Variants in BABAM2 observed in about 807,000 individuals in gnomAD.
BABAM2 encodes the protein BRISC and BRCA1 A complex member 2, also known as BRISC and BRCA1-A complex member 2.
Under a neutral mutation model 54.7 loss-of-function variants are expected in BABAM2, and 31 were observed. That is an observed-to-expected ratio of 0.57 (90% confidence interval 0.43 to 0.77). The LOEUF (loss-of-function observed/expected upper bound fraction) is 0.77, where lower values mean the gene tolerates loss of function less well. Among genes scored for constraint, BABAM2 ranks in the 30% least tolerant of loss-of-function variants. The probability of loss-of-function intolerance (pLI) is 0.00; values close to 1 mark genes in which losing one functional copy is unlikely to be tolerated. For missense variants in BABAM2, 364 were observed against 455.8 expected, an observed-to-expected ratio of 0.80 and a Z score of 1.83; for synonymous variants, 167 against 162.9, an observed-to-expected ratio of 1.03 and a Z score of -0.19.
At chr2:28,205,792 C>T (rs1173800493) in intron 7 of BABAM2, among the ~76,000 whole-genome samples, 1 of 152,136 alleles carries the variant, frequency 6.6e-6, no homozygotes, top group Non-Finnish European at 1.5e-5. Context: ...ATCTCACTTA[C>T]AGCAATAATG....
At chr2:27,926,421 C>A (rs1303048377) in intron 2 of BABAM2, among the ~76,000 whole-genome samples, 2 of 152,190 alleles carry the variant, frequency 1.3e-5, no homozygotes, top group African/African-American at 4.8e-5. Context: ...CACCTTTGCA[C>A]CAGCTGTTTG....
chr2:28,086,060 T>C (rs1665612668), intron 6 of BABAM2, among the ~76,000 whole-genome samples: 1 of 152,186 alleles, frequency 6.6e-6, no homozygotes, highest in Admixed American at 6.5e-5. Context: ...TAACAGTACA[T>C]ATTTTATGAT....
At chr2:27,898,572 A>C (rs556389069) in intron 2 of BABAM2, among the ~76,000 whole-genome samples, 1 of 152,332 alleles carries the variant, frequency 6.6e-6, no homozygotes, top group African/African-American at 2.4e-5. Flanking sequence ...TGGATAAACA[A>C]ATTTGGCATA....
chr2:28,092,355 G>A (rs1666224792), intron 6 of BABAM2, among the ~76,000 whole-genome samples: 1 of 152,168 alleles, frequency 6.6e-6, no homozygotes, highest in African/African-American at 2.4e-5. Context: ...GACAAAGAGT[G>A]AATTTAGCAA....
intron 2 of BABAM2, among the ~76,000 whole-genome samples, chr2:27,918,932 C>A (rs1210436801): frequency 6.6e-6 from 1 of 152,108 alleles, no homozygotes; most frequent in Admixed American, 6.6e-5. Context: ...TCAAGTGATC[C>A]ACCTGACTTG....
At chr2:27,988,299 C>T (rs538858980) in intron 4 of BABAM2, among the ~76,000 whole-genome samples, 9 of 151,922 alleles carry the variant, frequency 5.9e-5, no homozygotes, top group Non-Finnish European at 1.0e-4. Context: ...CAGGGTATTT[C>T]GAATTAATGA....
chr2:28,223,776 C>T (rs1680622236), intron 7 of BABAM2, among the ~76,000 whole-genome samples: 1 of 152,222 alleles, frequency 6.6e-6, no homozygotes, highest in South Asian at 2.1e-4. Flanking sequence ...AACAGCATTT[C>T]TCAGGGGTGG....
At chr2:28,094,183 A>G (rs1666399588) in intron 6 of BABAM2, among the ~76,000 whole-genome samples, 1 of 152,200 alleles carries the variant, frequency 6.6e-6, no homozygotes, top group Admixed American at 6.5e-5. Flanking sequence ...AAATATCTAT[A>G]TGTAGAGAGA....
intron 4 of BABAM2, among the ~76,000 whole-genome samples, chr2:28,022,291 G>A (rs540673566): frequency 2.9e-4 from 44 of 152,310 alleles, no homozygotes; most frequent in Admixed American, 5.9e-4. Context: ...GTGCCAGTTC[G>A]TTGGTTCAAA....
chr2:28,173,915 C>A (rs955384321), intron 7 of BABAM2, among the ~76,000 whole-genome samples: 5 of 151,848 alleles, frequency 3.3e-5, no homozygotes, highest in African/African-American at 1.2e-4. Flanking sequence ...AAAATAAAGA[C>A]AAGATTGATA....
intron 7 of BABAM2, among the ~76,000 whole-genome samples, chr2:28,196,145 G>T (rs996227905): frequency 9.2e-5 from 14 of 151,784 alleles, no homozygotes; most frequent in Non-Finnish European, 1.8e-4. Context: ...GGCTAACGTG[G>T]TGAAACCCCG....
At chr2:28,025,599 TC>T in intron 5 of BABAM2, 179 bp downstream of exon 5, 2 of 565,776 alleles carry the variant, frequency 3.5e-6, no homozygotes. Context: ...ATTGTGTTTC[TC>T]AAAGATATTA....
At chr2:28,170,953 C>A (rs1360252881) in intron 7 of BABAM2, among the ~76,000 whole-genome samples, 1 of 152,266 alleles carries the variant, frequency 6.6e-6, no homozygotes, top group Middle Eastern at 3.4e-3. Flanking sequence ...GAGTACATTT[C>A]CTCCAACCCG....
intron 10 of BABAM2, among the ~76,000 whole-genome samples, chr2:28,291,444 A>T (rs1182821995): frequency 6.6e-6 from 1 of 152,144 alleles, no homozygotes; most frequent in Admixed American, 6.5e-5. Context: ...AATACAAAAA[A>T]TTAGCCAGGC....
intron 7 of BABAM2, among the ~76,000 whole-genome samples, chr2:28,200,061 T>C (rs1024606409): frequency 1.3e-5 from 2 of 152,224 alleles, no homozygotes; most frequent in African/African-American, 4.8e-5. Context: ...TAATACACAT[T>C]TTCATTCTTG....
At chr2:27,907,367 C>T (rs1011581090) in intron 2 of BABAM2, among the ~76,000 whole-genome samples, 3 of 151,580 alleles carry the variant, frequency 2.0e-5, no homozygotes, top group South Asian at 2.1e-4. Flanking sequence ...TTTGATGTTC[C>T]GCTTTTAAGT....
chr2:28,140,744 C>G (rs1349857023), intron 7 of BABAM2, among the ~76,000 whole-genome samples: 1 of 152,004 alleles, frequency 6.6e-6, no homozygotes, highest in Non-Finnish European at 1.5e-5. Context: ...TATGTGCATA[C>G]ATACACACCT....
rs968042876 is a variant in BABAM2 at position 28,336,367 on chromosome 2, G to T, written c.1089-2083G>T. Among the ~76,000 whole-genome samples the T allele has an allele frequency of 7.2e-5, 11 of 152,068 alleles. No homozygotes were observed. The South Asian group carries it at 1.9e-3, about 26-fold the overall frequency. The stretch of plus-strand genomic sequence containing the variant: ...GCATTTTCAGATACATAAAAGTGAT[G>T]AAAACATCCATTTGGAACACTAGTT... On this transcript the variant is annotated intron_variant, in intron 11 of 11. Transcript: ENST00000379624.
intron 9 of BABAM2, among the ~76,000 whole-genome samples, chr2:28,242,521 C>T (rs113814103): frequency 1.2e-4 from 18 of 152,146 alleles, no homozygotes; most frequent in African/African-American, 1.7e-4. Flanking sequence ...TTGTCGTTAA[C>T]GAGGCACTAA....
Sources: gnomAD v4.1 joint callset for allele counts (sites outside exome capture counted in the v4.1 genomes callset) on GRCh38, gnomAD v4.1.1 for gene constraint, MANE v1.5 for transcripts, NCBI Gene and HGNC (gene_info 2026-07-23, HGNC 2026-07-21) for gene names.